The following RASGRF2 variants were observed in gnomAD, a reference collection of about 807,000 sequenced individuals.
RASGRF2 encodes the protein Ras protein specific guanine nucleotide releasing factor 2.
A neutral mutation model predicts 151.0 loss-of-function variants in RASGRF2; 76 were observed. The observed-to-expected ratio is 0.50, with a 90% CI of 0.42 to 0.61. The LOEUF (loss-of-function observed/expected upper bound fraction) is 0.61, where lower values mean the gene tolerates loss of function less well. RASGRF2 is among the 20% of genes least tolerant of loss of function. The pLI, the probability that RASGRF2 is intolerant of heterozygous loss-of-function variation, is 0.00. For synonymous variants in RASGRF2, 504 were observed against 566.5 expected (o/e 0.89, Z 1.57); for missense variants, 1,148 against 1,564.6 (o/e 0.73, Z 4.49).
In RASGRF2 at chr5:80,969,852, G is replaced by A. The variant is rs1580150590; in HGVS notation, c.288+8826G>A. Among the ~76,000 whole-genome samples, 4 of 93,638 alleles carry A rather than the reference G, an allele frequency of 4.3e-5. No homozygotes were observed. In the South Asian group the frequency reaches 1.1e-3, roughly 27 times the overall value. The allele number at this position is 93,638 out of a possible 152,430, so 61.4% of individuals were successfully genotyped here. The stretch of plus-strand genomic sequence containing the variant: ...TTTTTTTTTTTTTTTTTGAGACAGA[G>A]TTTTGCTCTTGTTGCCCAGGCTGGA... On this transcript the variant is annotated intron_variant, in intron 1 of 26. Coordinates refer to ENST00000265080, the MANE Select transcript of RASGRF2 (RefSeq NM_006909.3).
In RASGRF2 at chr5:81,141,773, T is replaced by G. The variant is rs185956472; in HGVS notation, c.2686+14610T>G. ...ATGAGCCTGGGGGAAATTAGTAGTC[T>G]GTGGATGGGTTCTTAGTTGACCAGC... On this transcript the variant is annotated intron_variant, in intron 17 of 26. Coordinates refer to ENST00000265080, the MANE Select transcript of RASGRF2 (RefSeq NM_006909.3). Among the ~76,000 whole-genome samples the G allele has an allele frequency of 1.1e-3, 169 of 152,328 alleles. 1 individual carries two copies. The highest frequency in any genetic ancestry group is 4.0e-3 in the African/African-American group (168 of 41,572).
At chr5:81,058,509 A>T (rs1352558082) in intron 2 of RASGRF2, among the ~76,000 whole-genome samples, 1 of 152,202 alleles carries the variant, frequency 6.6e-6, no homozygotes. Context: ...AGTTGGGGGG[A>T]TACCCCAGTA....
At chr5:81,005,885 A>G (rs1204869830) in intron 1 of RASGRF2, among the ~76,000 whole-genome samples, 5 of 152,160 alleles carry the variant, frequency 3.3e-5, no homozygotes, top group Non-Finnish European at 7.3e-5. Context: ...GGAATTGCTG[A>G]TTAGAGTTCC....
chr5:81,139,691 G>A (rs1488463068), intron 17 of RASGRF2, among the ~76,000 whole-genome samples: 1 of 151,820 alleles, frequency 6.6e-6, no homozygotes, highest in Non-Finnish European at 1.5e-5. Context: ...ACTATACACT[G>A]GTGATGATAT....
intron 1 of RASGRF2, among the ~76,000 whole-genome samples, chr5:81,012,555 A>G (rs1749500357): frequency 6.6e-6 from 1 of 152,116 alleles, no homozygotes; most frequent in Non-Finnish European, 1.5e-5. Context: ...CTTCAGAGTC[A>G]CTACAGCTGT....
chr5:80,971,261 T>A (rs1747922488), intron 1 of RASGRF2, among the ~76,000 whole-genome samples: 1 of 152,194 alleles, frequency 6.6e-6, no homozygotes, highest in African/African-American at 2.4e-5. Context: ...GTAGCCACCA[T>A]CCTTAATTTG....
intron 18 of RASGRF2, among the ~76,000 whole-genome samples, chr5:81,186,237 T>C (rs1267524498): frequency 1.3e-5 from 2 of 152,190 alleles, no homozygotes; most frequent in Admixed American, 6.5e-5. Flanking sequence ...TAAACTTCAG[T>C]GTGTAGGTCA....
At chr5:81,160,845 T>C (rs1754368028) in intron 17 of RASGRF2, among the ~76,000 whole-genome samples, 1 of 152,184 alleles carries the variant, frequency 6.6e-6, no homozygotes, top group African/African-American at 2.4e-5. Flanking sequence ...CACTCCAGCC[T>C]GGGTGACAGA....
At chr5:80,973,273 C>T (rs1271805622) in intron 1 of RASGRF2, among the ~76,000 whole-genome samples, 1 of 152,128 alleles carries the variant, frequency 6.6e-6, no homozygotes, top group Non-Finnish European at 1.5e-5. Context: ...GGTTGCCACC[C>T]CAGGATGTCT....
At chr5:80,961,346 A>C (rs1580140081) in intron 1 of RASGRF2, among the ~76,000 whole-genome samples, 1 of 150,804 alleles carries the variant, frequency 6.6e-6, no homozygotes, top group Non-Finnish European at 1.5e-5. Flanking sequence ...CTGGCTCGCC[A>C]GATTTTTGTC....
At chr5:81,090,980 G>A (rs1016941090) in intron 9 of RASGRF2, among the ~76,000 whole-genome samples, 8 of 151,972 alleles carry the variant, frequency 5.3e-5, no homozygotes, top group African/African-American at 1.9e-4. Flanking sequence ...CCTAAGTCAT[G>A]GGCCTGATGG....
rs1040656916 is a variant in RASGRF2 at position 81,228,614 on chromosome 5, A to T, written c.*2844A>T. The T allele has an allele frequency of 6.6e-6, 1 of 152,214 alleles. No homozygotes were observed. Among genetic ancestry groups the T allele is most frequent in the Non-Finnish European group, 1.5e-5 (1 of 68,038 alleles). 9.4% of individuals were successfully genotyped at this position (152,214 alleles called of 1,614,324 possible). Reference sequence around the variant, plus strand: ...AAAATCAGAAGAAAAATCCAATTTCATGCTTTCGAATGAATGCCCACATTT... The same window carrying T: ...AAAATCAGAAGAAAAATCCAATTTCTTGCTTTCGAATGAATGCCCACATTT... On this transcript the variant is annotated 3_prime_UTR_variant, in exon 27 of 27. Transcript: ENST00000265080.
chr5:81,222,818 G>A (rs1215123410), intron 26 of RASGRF2, among the ~76,000 whole-genome samples: 2 of 152,048 alleles, frequency 1.3e-5, no homozygotes, highest in Non-Finnish European at 2.9e-5. Flanking sequence ...GCAATAAAAA[G>A]CAAAAGGTAT....
intron 15 of RASGRF2, among the ~76,000 whole-genome samples, chr5:81,118,417 G>A (rs1194281614): frequency 6.6e-6 from 1 of 152,218 alleles, no homozygotes; most frequent in Non-Finnish European, 1.5e-5. Flanking sequence ...CAGGAATGTG[G>A]GGAGCAGCCC....
rs1322294987 is a variant in RASGRF2 at position 81,227,846 on chromosome 5, G to C, written c.*2076G>C. On this transcript the variant is annotated 3_prime_UTR_variant, in exon 27 of 27. Coordinates refer to ENST00000265080, the MANE Select transcript of RASGRF2 (RefSeq NM_006909.3). ...AGAGTCCTTCAGAGGGAAAGGGATG[G>C]TTCTGTGTGCACTTTTTCTGGAAGT... is the stretch of plus-strand genomic sequence containing the variant. The C allele has an allele frequency of 2.0e-5, 3 of 152,170 alleles. No individual in the cohort carries two copies. Among genetic ancestry groups the C allele is most frequent in the African/African-American group, 7.2e-5 (3 of 41,434 alleles). The allele number at this position is 152,170 out of a possible 1,614,324, so 9.4% of individuals were successfully genotyped here.
chr5:80,998,122 A>G (rs908015423), intron 1 of RASGRF2: 66 of 152,330 alleles, frequency 4.3e-4, no homozygotes, highest in African/African-American at 1.5e-3. Context: ...ACCTGAGGAC[A>G]TTGTGTTTGC....
At chr5:81,166,621 C>T (rs1318634637) in intron 17 of RASGRF2, among the ~76,000 whole-genome samples, 1 of 151,356 alleles carries the variant, frequency 6.6e-6, no homozygotes, top group Non-Finnish European at 1.5e-5. Context: ...GGCCTCTGTG[C>T]ACAGACGGGA....
intron 17 of RASGRF2, among the ~76,000 whole-genome samples, chr5:81,131,975 G>A (rs1212430191): frequency 6.6e-6 from 1 of 152,180 alleles, no homozygotes; most frequent in Non-Finnish European, 1.5e-5. Context: ...GAAACACATC[G>A]CAGGAATGCA....
intron 2 of RASGRF2, among the ~76,000 whole-genome samples, chr5:81,063,803 A>G (rs923120196): frequency 1.3e-5 from 2 of 151,764 alleles, no homozygotes; most frequent in African/African-American, 4.8e-5. Flanking sequence ...TTTTTTTTCC[A>G]AGAACGCTTT....
Sources: allele counts gnomAD v4.1 joint callset (sites outside exome capture counted in the v4.1 genomes callset), GRCh38; gene constraint gnomAD v4.1.1; transcripts MANE v1.5; gene names NCBI Gene and HGNC (gene_info 2026-07-23, HGNC 2026-07-21).